The following PRKN variants were observed in gnomAD, a reference collection of about 807,000 sequenced individuals.
PRKN encodes E3 ubiquitin-protein ligase parkin.
In PRKN, 56 loss-of-function variants were observed where a neutral mutation model predicts 59.5. That is an observed-to-expected ratio of 0.94 (90% CI 0.76 to 1.18). The LOEUF is 1.18. Ranked by LOEUF, PRKN falls within the 50% of genes most tolerant of loss-of-function variation. The pLI is 0.00. For synonymous variants in PRKN, 250 were observed against 222.1 expected (o/e 1.13, Z -1.12); for missense variants, 657 against 596.4 (o/e 1.10, Z -1.06).
At chr6:161,563,942 C>T (rs1448294259) in intron 8 of PRKN, among the ~76,000 whole-genome samples, 3 of 152,202 alleles carry the variant, frequency 2.0e-5, no homozygotes, top group African/African-American at 7.2e-5. Context: ...ATATTTGCAA[C>T]TTACTTGGCA....
At chr6:161,826,792 C>T (rs1170709256) in intron 6 of PRKN, among the ~76,000 whole-genome samples, 5 of 152,194 alleles carry the variant, frequency 3.3e-5, no homozygotes, top group African/African-American at 1.2e-4. Flanking sequence ...CATGTAGGAA[C>T]GGACACGCTG....
intron 1 of PRKN, among the ~76,000 whole-genome samples, chr6:162,455,132 C>G (rs1373454282): frequency 6.6e-6 from 1 of 152,094 alleles, no homozygotes; most frequent in Non-Finnish European, 1.5e-5. Context: ...CTCAGAAGAT[C>G]AGAGCTAAGA....
chr6:162,102,920 G>T (rs2128299728), intron 4 of PRKN, among the ~76,000 whole-genome samples: 1 of 151,972 alleles, frequency 6.6e-6, no homozygotes, highest in Middle Eastern at 3.4e-3. Flanking sequence ...GCGGGCACCT[G>T]TAATCCCAGC....
intron 10 of PRKN, among the ~76,000 whole-genome samples, chr6:161,374,971 G>A (rs1042336191): frequency 8.5e-5 from 13 of 152,222 alleles, no homozygotes; most frequent in Admixed American, 8.5e-4. Flanking sequence ...ATTTTCAGAG[G>A]AGGGTCCCAT....
At chr6:161,819,357 G>A (rs1791923664) in intron 6 of PRKN, among the ~76,000 whole-genome samples, 1 of 152,084 alleles carries the variant, frequency 6.6e-6, no homozygotes, top group Admixed American at 6.6e-5. Context: ...CAAGCATGGT[G>A]GCATGTGCCT....
chr6:162,407,025 C>G (rs1788106493), intron 2 of PRKN, among the ~76,000 whole-genome samples: 1 of 152,042 alleles, frequency 6.6e-6, no homozygotes, highest in Admixed American at 6.6e-5. Context: ...TTTGTGCGGA[C>G]AGTTACTAGA....
chr6:161,425,900 C>G (rs191764363), intron 9 of PRKN, among the ~76,000 whole-genome samples: 1 of 152,144 alleles, frequency 6.6e-6, no homozygotes, highest in Non-Finnish European at 1.5e-5. Context: ...TCATGTTGGG[C>G]CCACAGGATT....
intron 7 of PRKN, chr6:161,716,209 T>C: frequency 1.5e-6 from 1 of 670,300 alleles, no homozygotes; most frequent in Non-Finnish European, 2.4e-6. Context: ...CTTTTCATAT[T>C]ATTGCTGTTG....
intron 5 of PRKN, among the ~76,000 whole-genome samples, chr6:162,003,486 G>C (rs774204346): frequency 6.6e-6 from 1 of 152,092 alleles, no homozygotes; most frequent in Non-Finnish European, 1.5e-5. Context: ...TTGGCTCACT[G>C]CCTGGTCTTC....
In PRKN at chr6:161,396,098, G is replaced by A. The variant is rs1465607116; in HGVS notation, c.1084-9221C>T. On this transcript the variant is annotated intron_variant, in intron 9 of 11. Coordinates refer to ENST00000366898, the MANE Select transcript of PRKN (RefSeq NM_004562.3). This position sits in a 1 kb window ranked among gnomAD's most constrained non-coding sequence, Gnocchi z 5.4. ...CTGCCAGAGGACAGGGGAAGCTGGG[G>A]TGGGAGTGCTGTATGCTCTCGGTCC... 6.6e-6 allele frequency among the ~76,000 whole-genome samples: 1 copy of A among 152,168 alleles called. No individual in the cohort carries two copies. Among genetic ancestry groups the A allele is most frequent in the Non-Finnish European group, 1.5e-5 (1 of 68,036 alleles).
At chr6:161,821,291 ATC>A (rs1208796397) in intron 6 of PRKN, among the ~76,000 whole-genome samples, 1 of 152,164 alleles carries the variant, frequency 6.6e-6, no homozygotes, top group Non-Finnish European at 1.5e-5. Flanking sequence ...GCAGAATTAA[ATC>A]TTTTTAAAAT....
chr6:161,639,022 G>A (rs1022813483), intron 7 of PRKN, among the ~76,000 whole-genome samples: 6 of 152,118 alleles, frequency 3.9e-5, no homozygotes, highest in African/African-American at 9.7e-5. Context: ...GATTACAGGC[G>A]TGAACCACTG....
At chr6:162,142,117 T>C (rs1386498735) in intron 4 of PRKN, among the ~76,000 whole-genome samples, 2 of 152,072 alleles carry the variant, frequency 1.3e-5, no homozygotes, top group African/African-American at 4.8e-5. Context: ...GCAATAAGTC[T>C]GAAAAGCAGT....
intron 1 of PRKN, among the ~76,000 whole-genome samples, chr6:162,665,838 G>T (rs1318603161): frequency 6.6e-6 from 1 of 152,096 alleles, no homozygotes; most frequent in East Asian, 1.9e-4. Context: ...TAGACATACA[G>T]ACTAATGGAG....
chr6:162,172,102 C>G (rs1415740352), intron 4 of PRKN, among the ~76,000 whole-genome samples: 2 of 152,192 alleles, frequency 1.3e-5, no homozygotes, highest in Non-Finnish European at 2.9e-5. Context: ...AGAAAACCAC[C>G]TAAGGACACA....
intron 7 of PRKN, among the ~76,000 whole-genome samples, chr6:161,677,771 C>T (rs1211018221): frequency 6.6e-6 from 1 of 152,208 alleles, no homozygotes; most frequent in East Asian, 1.9e-4. Context: ...TACCAAATCT[C>T]AAGCTTGACT....
At chr6:161,963,230 C>T (rs908181336) in intron 6 of PRKN, among the ~76,000 whole-genome samples, 1 of 152,214 alleles carries the variant, frequency 6.6e-6, no homozygotes, top group Non-Finnish European at 1.5e-5. Flanking sequence ...ACAGTTACAA[C>T]ACGCAAGGTT....
chr6:162,684,860 A>G (rs1166068848), intron 1 of PRKN, among the ~76,000 whole-genome samples: 6 of 152,214 alleles, frequency 3.9e-5, no homozygotes, highest in Non-Finnish European at 8.8e-5. Context: ...AAATATACAA[A>G]TAAGGGAATA....
chr6:162,181,448 T>C (rs1562563831), intron 4 of PRKN, among the ~76,000 whole-genome samples: 1 of 152,240 alleles, frequency 6.6e-6, no homozygotes. Context: ...CTTCAGATCA[T>C]GGATTTCCAC....
Sources: allele counts gnomAD v4.1 joint callset (sites outside exome capture counted in the v4.1 genomes callset), GRCh38; gene constraint gnomAD v4.1.1; non-coding constraint Gnocchi (gnomAD v3.1); transcripts MANE v1.5; gene names NCBI Gene and HGNC (gene_info 2026-07-23, HGNC 2026-07-21).